CAV2: variants seen among roughly 807,000 people sequenced by gnomAD.
CAV2 encodes caveolin 2, also known as caveolin-2.
In CAV2, 7 loss-of-function variants were observed where a neutral mutation model predicts 15.5. The observed-to-expected ratio is 0.45, with a 90% CI of 0.26 to 0.85. CAV2 has a LOEUF of 0.85. Ranked by LOEUF, CAV2 falls within the 40% of genes least tolerant of loss-of-function variation. The pLI is 0.18. For synonymous variants in CAV2, 76 were observed against 83.1 expected, an observed-to-expected ratio of 0.91 and a Z score of 0.46; for missense variants, 229 against 208.8, an observed-to-expected ratio of 1.10 and a Z score of -0.60.
intron 2 of CAV2, 119 bp downstream of exon 2, chr7:116,500,566 C>A: frequency 1.1e-6 from 1 of 896,494 alleles, no homozygotes; most frequent in East Asian, 2.5e-5. Flanking sequence ...CGCATCAGTT[C>A]CCAAGCAGTA....
intron 2 of CAV2, among the ~76,000 whole-genome samples, chr7:116,503,242 A>G (rs1407834067): frequency 2.6e-5 from 4 of 151,658 alleles, no homozygotes; most frequent in Middle Eastern, 6.8e-3. Flanking sequence ...TGGGTCAATC[A>G]GAACTGCCTG....
Position 116,506,056 on chromosome 7 carries a change from G to T in CAV2, c.424G>T (p.Ala142Ser). The T allele has an allele frequency of 6.2e-7, 1 of 1,613,828 alleles. No individual in the cohort carries two copies. Among genetic ancestry groups the T allele is most frequent in the Non-Finnish European group, 8.5e-7 (1 of 1,179,756 alleles). ...IWKSVTDVII[A>S]PLCTSVGRCF... ...GAAGAGTGTGACAGATGTTATCATT[G>T]CTCCATTGTGTACGAGCGTAGGACG... The change falls in exon 3 of 3, where the codon GCT becomes TCT. Residue 142 changes from alanine (A) to serine (S), a missense_variant. By Grantham distance (99) the Ala-to-Ser change is moderately conservative. Transcript: ENST00000222693.
Position 116,500,416 on chromosome 7 carries a change from C to G in CAV2, c.307C>G (p.Leu103Val). The G allele has an allele frequency of 1.9e-6, 3 of 1,613,948 alleles. No homozygotes were observed. The highest frequency in any genetic ancestry group is 2.5e-6 in the Non-Finnish European group (3 of 1,179,928). ...AIPLAFIAGI[L>V]FATLSCLHIW... ...TCCCCTGGCCTTCATTGCGGGAATT[C>G]TCTTTGCCACCCTCAGCTGTCTGCA... Residue 103 changes from leucine to valine, a missense_variant, in exon 2 of 3, where the codon CTC becomes GTC. Coordinates refer to ENST00000222693, the MANE Select transcript of CAV2 (RefSeq NM_001233.5).
chr7:116,504,169 A>G (rs954965315), intron 2 of CAV2, among the ~76,000 whole-genome samples: 1 of 151,942 alleles, frequency 6.6e-6, no homozygotes, highest in East Asian at 1.9e-4. Context: ...AGTTATTTTC[A>G]TTATATATTC....
In CAV2 at chr7:116,506,172, A is replaced by G; in HGVS notation, c.*51A>G. The G allele has an allele frequency of 6.3e-7, 1 of 1,584,206 alleles. No individual in the cohort carries two copies. The highest frequency in any genetic ancestry group is 1.7e-4 in the Middle Eastern group (1 of 5,988). ...TGGGATACTGTAATACTTCTTTGTTATTATAACATAAAAGCACCACTGTTC... is the reference window on the plus strand; with the variant it reads ...TGGGATACTGTAATACTTCTTTGTTGTTATAACATAAAAGCACCACTGTTC... On this transcript the variant is annotated 3_prime_UTR_variant, in exon 3 of 3. Transcript: ENST00000222693.
chr7:116,499,943 G>A lies in CAV2; in HGVS notation c.150+12G>A. 2 of 1,609,238 alleles carry A rather than the reference G, an allele frequency of 1.2e-6. No individual in the cohort carries two copies. Among genetic ancestry groups the A allele is most frequent in the South Asian group, 1.1e-5 (1 of 90,738 alleles). On this transcript the variant is annotated intron_variant, in intron 1 of 2. Coordinates refer to ENST00000222693, the MANE Select transcript of CAV2 (RefSeq NM_001233.5). ...ACTCGCATCTCAAGGTGAAGCCCGG[G>A]GCGGGCGGGCCCAAGTCCCCGCTGA...
At position 116,499,788 on chromosome 7, in the gene CAV2, C is replaced by T; in HGVS notation, c.7C>T (p.Leu3=). 2 of 1,570,768 alleles carry T rather than the reference C, an allele frequency of 1.3e-6. No individual in the cohort carries two copies. The highest frequency in any genetic ancestry group is 1.7e-6 in the Non-Finnish European group (2 of 1,160,348). The change falls in exon 1 of 3, where the codon CTG becomes TTG. Residue 3 remains leucine, a synonymous_variant. Coordinates refer to ENST00000222693, the MANE Select transcript of CAV2 (RefSeq NM_001233.5). ...GCCGCGCACCAAGGCTGCGATGGGG[C>T]TGGAGACGGAGAAGGCGGACGTACA... The part of the protein sequence containing the change: MG[L]ETEKADVQLF...
intron 2 of CAV2, among the ~76,000 whole-genome samples, chr7:116,505,085 A>G (rs960755929): frequency 1.3e-5 from 2 of 152,236 alleles, no homozygotes; most frequent in African/African-American, 4.8e-5. Context: ...TCTATTTATA[A>G]TACCTTTTGA....
intron 2 of CAV2, among the ~76,000 whole-genome samples, chr7:116,502,094 C>G (rs2116122097): frequency 6.6e-6 from 1 of 152,086 alleles, no homozygotes; most frequent in African/African-American, 2.4e-5. Flanking sequence ...GACTATGAAG[C>G]TATTTGGAAA....
chr7:116,500,109 G>T, intron 1 of CAV2, 151 bp from the exon 2 acceptor site: 1 of 1,469,954 alleles, frequency 6.8e-7, no homozygotes, highest in Non-Finnish European at 8.9e-7. Context: ...GGAATTCTTA[G>T]CCAGGTTCCT....
chr7:116,502,257 C>T (rs1384444402), intron 2 of CAV2, among the ~76,000 whole-genome samples: 1 of 152,182 alleles, frequency 6.6e-6, no homozygotes, highest in Non-Finnish European at 1.5e-5. Flanking sequence ...GCTGGCTCTT[C>T]TGAGAATGGG....
chr7:116,500,234 G>A lies in CAV2; in HGVS notation c.151-26G>A, dbSNP rs760848661. On this transcript the variant is annotated intron_variant, in intron 1 of 2. Transcript: ENST00000222693. ...GGGGCGTCAGGTTGGCTGACAGTTC[G>A]GGGTCCCTGCGTCCTGTCTCCTCAG... The A allele has an allele frequency of 3.1e-6, 5 of 1,605,532 alleles. No homozygotes were observed. The East Asian group carries it at 1.1e-4, about 36-fold the overall frequency.
Position 116,500,375 on chromosome 7 carries a change from CG to C in CAV2, c.268del (p.Val90CysfsTer26). ...ISKYVMYKFL[T>X]VFLAIPLAFI... ...AAATACGTAATGTACAAGTTCCTGA[CG>C]GTGTTCCTGGCCATTCCCCTGGCCT... On this transcript the variant is annotated frameshift_variant, in exon 2 of 3. Coordinates refer to ENST00000222693, the MANE Select transcript of CAV2 (RefSeq NM_001233.5). LOFTEE classifies it high-confidence loss of function. 1 of 1,614,174 alleles carries C rather than the reference CG, an allele frequency of 6.2e-7. No individual in the cohort carries two copies. The highest frequency in any genetic ancestry group is 8.5e-7 in the Non-Finnish European group (1 of 1,180,006).
chr7:116,500,109 G>GC, intron 1 of CAV2, 151 bp from the exon 2 acceptor site: 1 of 1,469,954 alleles, frequency 6.8e-7, no homozygotes, highest in Admixed American at 2.7e-5. Context: ...GGAATTCTTA[G>GC]CCAGGTTCCT....
intron 2 of CAV2, among the ~76,000 whole-genome samples, chr7:116,503,227 A>T (rs942249393): frequency 6.6e-5 from 10 of 151,100 alleles, no homozygotes; most frequent in Non-Finnish European, 1.3e-4. Context: ...GCCTCAACCA[A>T]ATTTTGGGTC....
At chr7:116,504,834 T>C (rs767791519) in intron 2 of CAV2, among the ~76,000 whole-genome samples, 17 of 152,344 alleles carry the variant, frequency 1.1e-4, no homozygotes, top group Admixed American at 3.3e-4. Context: ...AATTTCAGGA[T>C]AGACTAGTTT....
At chr7:116,505,763 C>T (rs1027866218) in intron 2 of CAV2, among the ~76,000 whole-genome samples, 1 of 152,164 alleles carries the variant, frequency 6.6e-6, no homozygotes, top group African/African-American at 2.4e-5. Context: ...TCGGCCCCAC[C>T]TCCAACACTG....
chr7:116,500,234 G>C (rs760848661), intron 1 of CAV2, 26 bp from the exon 2 acceptor site: 2 of 1,605,532 alleles, frequency 1.2e-6, no homozygotes, highest in Non-Finnish European at 1.7e-6. Context: ...CTGACAGTTC[G>C]GGGTCCCTGC....
intron 2 of CAV2, among the ~76,000 whole-genome samples, chr7:116,503,073 C>T (rs1793140049): frequency 6.6e-6 from 1 of 151,822 alleles, no homozygotes; most frequent in African/African-American, 2.4e-5. Flanking sequence ...TCTACAATTA[C>T]TACAACACTA....
Sources: allele counts gnomAD v4.1 joint callset (sites outside exome capture counted in the v4.1 genomes callset), GRCh38; gene constraint gnomAD v4.1.1; transcripts MANE v1.5; gene names NCBI Gene and HGNC (gene_info 2026-07-23, HGNC 2026-07-21).